Variants in RBM47 observed in about 807,000 individuals in gnomAD.
RBM47 encodes RNA binding motif protein 47, also known as RNA-binding protein 47.
A neutral mutation model predicts 47.1 loss-of-function variants in RBM47; 21 were observed. The ratio of observed to expected loss-of-function variants is 0.45; its 90% CI spans 0.32 to 0.64. The LOEUF is 0.64. Ranked by LOEUF, RBM47 falls within the 30% of genes least tolerant of loss-of-function variation. RBM47 has a pLI of 0.05. For synonymous variants in RBM47, 375 were observed against 361.7 expected (o/e 1.04, Z -0.42); for missense variants, 708 against 870.9 (o/e 0.81, Z 2.35).
intron 2 of RBM47, among the ~76,000 whole-genome samples, chr4:40,498,641 C>A (rs1324924457): frequency 6.9e-6 from 1 of 144,900 alleles, no homozygotes; most frequent in African/African-American, 2.6e-5. Flanking sequence ...CCATTGCACT[C>A]CAGCCTGGGC....
At position 40,481,483 on chromosome 4, in the gene RBM47, A is replaced by T. The variant is rs3105212; in HGVS notation, c.-154-14784T>A. ...TATTATTATTATTATTATTATTATT[A>T]TTATTTTTATTTTTATTTTTGAGAT... is the stretch of plus-strand genomic sequence containing the variant. On this transcript the variant is annotated intron_variant, in intron 2 of 6. Coordinates refer to ENST00000295971, the MANE Select transcript of RBM47 (RefSeq NM_001098634.2). Among the ~76,000 whole-genome samples, 624 of 106,356 alleles carry T rather than the reference A, an allele frequency of 5.9e-3. 1 individual carries two copies. Among genetic ancestry groups the T allele is most frequent in the African/African-American group, 0.018 (414 of 22,620 alleles). 69.8% of individuals were successfully genotyped at this position (106,356 alleles called of 152,430 possible). A position where few individuals can be genotyped will look rare whatever the true frequency, so the allele number is the denominator to read the frequency against.
chr4:40,462,843 A>C (rs1717371722), intron 3 of RBM47, among the ~76,000 whole-genome samples: 1 of 152,202 alleles, frequency 6.6e-6, no homozygotes, highest in Non-Finnish European at 1.5e-5. Context: ...CTAAAACTAT[A>C]AGACTTGGAA....
chr4:40,440,908 A>G (rs1356624291), intron 3 of RBM47, among the ~76,000 whole-genome samples: 1 of 152,216 alleles, frequency 6.6e-6, no homozygotes, highest in Non-Finnish European at 1.5e-5. Context: ...GTAAAATCTT[A>G]GACCAATTCT....
rs762758618 is a variant in RBM47, at chr4:40,432,696, G to A, written c.1497C>T (p.Ala499=). 1.6e-5 allele frequency: 26 copies of A among 1,599,294 alleles called. 1 individual carries two copies. In the Admixed American group the frequency reaches 1.9e-4, roughly 12 times the overall value. ...AAAAAAAAAA[A]AAAVIPTVST... is the part of the protein sequence containing the mutation. The stretch of plus-strand genomic sequence containing the variant: ...ACACAGTGGGAATGACAGCGGCTGC[G>A]GCGGCTGCGGCCGCGGCTGCGGCGG... Residue 499 remains alanine, a synonymous_variant, in exon 6 of 7, where the codon GCC becomes GCT. Transcript: ENST00000295971.
chr4:40,495,834 G>T (rs201825844), intron 2 of RBM47, among the ~76,000 whole-genome samples: 3 of 151,266 alleles, frequency 2.0e-5, no homozygotes, highest in South Asian at 2.1e-4. Flanking sequence ...CATTGTGCGC[G>T]CTCTCTCTCT....
chr4:40,584,525 A>G (rs1168930848), intron 1 of RBM47, among the ~76,000 whole-genome samples: 1 of 152,230 alleles, frequency 6.6e-6, no homozygotes, highest in East Asian at 1.9e-4. Flanking sequence ...TCAACATGTA[A>G]TCAGTATAAA....
At chr4:40,590,798 T>C (rs142309032) in intron 1 of RBM47, among the ~76,000 whole-genome samples, 32 of 152,328 alleles carry the variant, frequency 2.1e-4, no homozygotes, top group African/African-American at 7.5e-4. Context: ...AAAGTCCATA[T>C]ATTACATGAT....
chr4:40,505,683 C>T (rs916201412), intron 2 of RBM47, among the ~76,000 whole-genome samples: 1 of 150,964 alleles, frequency 6.6e-6, no homozygotes, highest in Non-Finnish European at 1.5e-5. Flanking sequence ...GTCAGGAGTT[C>T]GAGACTAGCC....
chr4:40,511,416 GA>G (rs1724911722), intron 2 of RBM47, among the ~76,000 whole-genome samples: 1 of 152,190 alleles, frequency 6.6e-6, no homozygotes, highest in Non-Finnish European at 1.5e-5. Context: ...TAACAAACAA[GA>G]ACGCTTGTAG....
intron 2 of RBM47, among the ~76,000 whole-genome samples, chr4:40,535,080 A>ATTTT (rs1727807996): frequency 6.6e-6 from 1 of 152,158 alleles, no homozygotes; most frequent in Non-Finnish European, 1.5e-5. Flanking sequence ...TAGGAATCCT[A>ATTTT]GCCCCTTCTT....
intron 2 of RBM47, among the ~76,000 whole-genome samples, chr4:40,489,095 C>T (rs1017818673): frequency 6.6e-6 from 1 of 152,152 alleles, no homozygotes; most frequent in Admixed American, 6.6e-5. Context: ...TCTGTATGCC[C>T]CCCTCATGTA....
chr4:40,480,057 G>A (rs1295795343), intron 2 of RBM47, among the ~76,000 whole-genome samples: 8 of 146,456 alleles, frequency 5.5e-5, no homozygotes, highest in South Asian at 4.3e-4. Flanking sequence ...AGCTCACTGC[G>A]ACCTCCACCT....
intron 1 of RBM47, among the ~76,000 whole-genome samples, chr4:40,611,927 TA>T (rs1157288160): frequency 6.6e-6 from 1 of 152,110 alleles, no homozygotes; most frequent in African/African-American, 2.4e-5. Context: ...ATGAGAGGTG[TA>T]ATAAAATAAT....
intron 3 of RBM47, among the ~76,000 whole-genome samples, chr4:40,465,439 T>G (rs1353989817): frequency 6.6e-6 from 1 of 152,074 alleles, no homozygotes; most frequent in East Asian, 1.9e-4. Context: ...GAGGGCAGAT[T>G]GCCTGAGCTC....
chr4:40,424,263 C>G lies in RBM47; in HGVS notation c.*1641G>C, dbSNP rs1022844328. The G allele has an allele frequency of 2.0e-5, 3 of 152,606 alleles. No homozygotes were observed. Among genetic ancestry groups the G allele is most frequent in the Non-Finnish European group, 4.4e-5 (3 of 68,038 alleles). 9.5% of individuals were successfully genotyped at this position (152,606 alleles called of 1,614,324 possible). On this transcript the variant is annotated 3_prime_UTR_variant, in exon 7 of 7. Coordinates refer to ENST00000295971, the MANE Select transcript of RBM47 (RefSeq NM_001098634.2). The stretch of plus-strand genomic sequence containing the variant: ...TCTCTAACATGACATAAAAACGCAA[C>G]TGCGTTTTACTTGCTACCTTATTGC...
rs1272757776 is a variant in RBM47 at position 40,423,839 on chromosome 4, G to A, written c.*2065C>T. On this transcript the variant is annotated 3_prime_UTR_variant, in exon 7 of 7. Coordinates refer to ENST00000295971, the MANE Select transcript of RBM47 (RefSeq NM_001098634.2). Reference sequence around the variant, plus strand: ...GAAACTCTGTGACAATCCTTCACTAGAAGGAGAGTACTTTTTTCACACAGT... The same window carrying A: ...GAAACTCTGTGACAATCCTTCACTAAAAGGAGAGTACTTTTTTCACACAGT... The A allele has an allele frequency of 1.3e-5, 2 of 152,420 alleles. No individual in the cohort carries two copies. The highest frequency in any genetic ancestry group is 2.9e-5 in the Non-Finnish European group (2 of 68,026). 9.4% of individuals were successfully genotyped at this position (152,420 alleles called of 1,614,324 possible).
In RBM47 at chr4:40,539,739, C is replaced by CAAA. The variant is rs56005602; in HGVS notation, c.-155+4680_-155+4682dup. ...TGGGCGACAGAGCAAGACTCTGTCT[C>CAAA]AAAAAAAAAAAAAAAAAAAAAAAAA... is the stretch of plus-strand genomic sequence containing the variant. On this transcript the variant is annotated intron_variant, in intron 2 of 6. Coordinates refer to ENST00000295971, the MANE Select transcript of RBM47 (RefSeq NM_001098634.2). Among the ~76,000 whole-genome samples, 46 of 56,330 alleles carry CAAA rather than the reference C, an allele frequency of 8.2e-4. 3 individuals are homozygous for CAAA. Among genetic ancestry groups the CAAA allele is most frequent in the African/African-American group, 2.7e-3 (39 of 14,478 alleles). The allele number at this position is 56,330 out of a possible 152,430, so 37.0% of individuals were successfully genotyped here.
At chr4:40,503,848 G>A (rs1723728264) in intron 2 of RBM47, among the ~76,000 whole-genome samples, 1 of 151,680 alleles carries the variant, frequency 6.6e-6, no homozygotes, top group Non-Finnish European at 1.5e-5. Context: ...CAATAGGGAC[G>A]CAAAAGAGGA....
intron 1 of RBM47, among the ~76,000 whole-genome samples, chr4:40,545,596 G>A (rs181426652): frequency 4.5e-4 from 66 of 147,038 alleles, no homozygotes; most frequent in African/African-American, 1.1e-3. Context: ...CTCGGGAGGC[G>A]GAGGTTGCAG....
Sources: gnomAD v4.1 joint callset for allele counts (sites outside exome capture counted in the v4.1 genomes callset) on GRCh38, gnomAD v4.1.1 for gene constraint, MANE v1.5 for transcripts, NCBI Gene and HGNC (gene_info 2026-07-23, HGNC 2026-07-21) for gene names.